The following MOB2 variants were observed in gnomAD, a reference collection of about 807,000 sequenced individuals.
MOB2 encodes the protein MOB kinase activator 2.
In MOB2, 14 loss-of-function variants were observed where a neutral mutation model predicts 27.4. The ratio of observed to expected loss-of-function variants is 0.51; its 90% CI spans 0.34 to 0.80. The LOEUF is 0.80. MOB2 is among the 30% of genes least tolerant of loss of function. The pLI, the probability that MOB2 is intolerant of heterozygous loss-of-function variation, is 0.01. For synonymous variants in MOB2, 167 were observed against 151.8 expected (o/e 1.10, Z -0.74); for missense variants, 304 against 354.6 (o/e 0.86, Z 1.15).
rs1468424606 is a variant in MOB2 at position 1,480,330 on chromosome 11, C to T, written c.365+63G>A. On this transcript the variant is annotated intron_variant, in intron 3 of 4. Coordinates refer to ENST00000329957, the MANE Select transcript of MOB2 (RefSeq NM_001172223.3). Reference sequence around the variant, plus strand: ...CTGAGAGGACAGGAGCCTGGGGCAGCGGGGGCTCAGAGCCCCACCGAGTCT... The same window carrying T: ...CTGAGAGGACAGGAGCCTGGGGCAGTGGGGGCTCAGAGCCCCACCGAGTCT... 39 of 1,453,842 alleles carry T rather than the reference C, an allele frequency of 2.7e-5. No homozygotes were observed. In the South Asian group the frequency reaches 2.9e-4, roughly 11 times the overall value. The allele number at this position is 1,453,842 out of a possible 1,614,324, so 90.1% of individuals were successfully genotyped here.
chr11:1,469,554 GC>G lies in MOB2; in HGVS notation c.*617del, dbSNP rs1370891826. The G allele has an allele frequency of 2.2e-6, 1 of 456,540 alleles. No homozygotes were observed. Among genetic ancestry groups the G allele is most frequent in the Non-Finnish European group, 4.4e-6 (1 of 226,956 alleles). The allele number at this position is 456,540 out of a possible 1,614,324, so 28.3% of individuals were successfully genotyped here. A position where few individuals can be genotyped will look rare whatever the true frequency, so the allele number is the denominator to read the frequency against. The stretch of plus-strand genomic sequence containing the variant: ...TGCAGCATCTCCACGCAGGGCCTCA[GC>G]CCCGTCCTGGCCTTGCCTGAGGACT... On this transcript the variant is annotated 3_prime_UTR_variant, in exon 5 of 5. Coordinates refer to ENST00000329957, the MANE Select transcript of MOB2 (RefSeq NM_001172223.3).
At chr11:1,476,538 C>T (rs1045810115) in intron 3 of MOB2, among the ~76,000 whole-genome samples, 1 of 152,202 alleles carries the variant, frequency 6.6e-6, no homozygotes, top group Non-Finnish European at 1.5e-5. Flanking sequence ...AAAGGCTTAC[C>T]AATTTATTAC....
intron 1 of MOB2, among the ~76,000 whole-genome samples, chr11:1,484,389 G>A (rs1881501): frequency 0.3 from 45,930 of 152,074 alleles, 7,674 homozygotes; most frequent in East Asian, 0.63. Flanking sequence ...CATGGTCCTT[G>A]GACCCCACTC....
intron 1 of MOB2, among the ~76,000 whole-genome samples, chr11:1,484,905 C>A (rs901911160): frequency 1.3e-5 from 2 of 152,140 alleles, no homozygotes; most frequent in Admixed American, 6.5e-5. Context: ...AATTGTCTGC[C>A]CCCCCAAACA....
chr11:1,480,582 G>A (rs1590766070), intron 2 of MOB2, 96 bp from the exon 3 acceptor site: 2 of 1,534,634 alleles, frequency 1.3e-6, no homozygotes, highest in East Asian at 2.2e-5. Context: ...AGCTCGGCTG[G>A]GTGAGCTCTG....
chr11:1,483,903 C>A (rs1035169687), intron 1 of MOB2, among the ~76,000 whole-genome samples: 1 of 152,202 alleles, frequency 6.6e-6, no homozygotes, highest in Non-Finnish European at 1.5e-5. Flanking sequence ...CTTAGACAAC[C>A]ACACAGTCAA....
chr11:1,481,768 G>A (rs917521509), intron 1 of MOB2, among the ~76,000 whole-genome samples: 10 of 151,030 alleles, frequency 6.6e-5, no homozygotes, highest in Non-Finnish European at 1.3e-4. Flanking sequence ...GGGCAGGGAG[G>A]GGCAGGGGCA....
At chr11:1,481,172 G>C (rs1368406635) in intron 1 of MOB2, 1 of 528,274 alleles carries the variant, frequency 1.9e-6, no homozygotes, top group Non-Finnish European at 3.5e-6. Context: ...CCCTCACCAA[G>C]TCCTCCAACC....
At chr11:1,477,230 G>T (rs529944285) in intron 3 of MOB2, among the ~76,000 whole-genome samples, 1 of 152,296 alleles carries the variant, frequency 6.6e-6, no homozygotes, top group South Asian at 2.1e-4. Flanking sequence ...GTTGTCTGGC[G>T]CACACACATT....
intron 1 of MOB2, chr11:1,481,175 C>T (rs1305199790): frequency 1.1e-5 from 6 of 526,400 alleles, no homozygotes; most frequent in Non-Finnish European, 2.1e-5. Flanking sequence ...TCACCAAGTC[C>T]TCCAACCAGG....
chr11:1,480,612 C>G, intron 2 of MOB2, 113 bp downstream of exon 2: 1 of 1,526,384 alleles, frequency 6.6e-7, no homozygotes, highest in Non-Finnish European at 8.9e-7. Context: ...GGGCCACATT[C>G]TCCCCTCGCG....
At chr11:1,486,118 G>A (rs899838530) in intron 1 of MOB2, among the ~76,000 whole-genome samples, 7 of 152,250 alleles carry the variant, frequency 4.6e-5, no homozygotes, top group Admixed American at 1.3e-4. Context: ...CTCCTGTGCC[G>A]GCAAGGTGGG....
intron 1 of MOB2, among the ~76,000 whole-genome samples, chr11:1,482,126 C>T (rs924507033): frequency 4.7e-4 from 71 of 152,336 alleles, no homozygotes; most frequent in African/African-American, 1.7e-3. Flanking sequence ...ACACCCCACC[C>T]GGGCAGCTAC....
chr11:1,477,145 G>T (rs1419418735), intron 3 of MOB2, among the ~76,000 whole-genome samples: 2 of 152,124 alleles, frequency 1.3e-5, no homozygotes, highest in African/African-American at 2.4e-5. Flanking sequence ...CTCCATCACT[G>T]AGGAGAGGGC....
intron 3 of MOB2, among the ~76,000 whole-genome samples, chr11:1,477,152 G>A (rs971329724): frequency 2.0e-5 from 3 of 152,052 alleles, no homozygotes; most frequent in Non-Finnish European, 2.9e-5. Flanking sequence ...ACTGAGGAGA[G>A]GGCTGCAATC....
intron 1 of MOB2, 80 bp downstream of exon 1, chr11:1,486,367 C>T (rs1847969946): frequency 8.7e-7 from 1 of 1,152,458 alleles, no homozygotes; most frequent in African/African-American, 1.5e-5. Context: ...CCTCCCCACC[C>T]TGACCTCCTT....
At chr11:1,486,283 TGC>T (rs1324410657) in intron 1 of MOB2, among the ~76,000 whole-genome samples, 162 bp downstream of exon 1, 1 of 152,168 alleles carries the variant, frequency 6.6e-6, no homozygotes, top group East Asian at 1.9e-4. Flanking sequence ...CTGGACAGCT[TGC>T]GTGTGGCCCA....
In MOB2 at chr11:1,470,032, G is replaced by T; in HGVS notation, c.*140C>A. 1 of 1,534,314 alleles carries T rather than the reference G, an allele frequency of 6.5e-7. No homozygotes were observed. The highest frequency in any genetic ancestry group is 1.2e-5 in the South Asian group (1 of 83,280). ...CGGGGCCGTCTGCGTCTGTGCCTGT[G>T]CAGCCCACACCAGTGCAGCCCGGGG... On this transcript the variant is annotated 3_prime_UTR_variant, in exon 5 of 5. Coordinates refer to ENST00000329957, the MANE Select transcript of MOB2 (RefSeq NM_001172223.3).
chr11:1,480,380 A>G lies in MOB2; in HGVS notation c.365+13T>C. ...TCCCAAGAGAAAGTGGGCTGTAGCC[A>G]GGCAGCACTCACGTGTTGCACACGG... On this transcript the variant is annotated intron_variant, in intron 3 of 4. Transcript: ENST00000329957. 6.2e-7 allele frequency: 1 copy of G among 1,611,548 alleles called. No homozygotes were observed.
Sources: gnomAD v4.1 joint callset for allele counts (sites outside exome capture counted in the v4.1 genomes callset) on GRCh38, gnomAD v4.1.1 for gene constraint, MANE v1.5 for transcripts, NCBI Gene and HGNC (gene_info 2026-07-23, HGNC 2026-07-21) for gene names.